The following R3HDM1 variants were observed in gnomAD, a reference collection of about 807,000 sequenced individuals.
R3HDM1 encodes R3H domain containing 1, also known as R3H domain-containing protein 1.
R3HDM1 carries 46 observed loss-of-function variants against 141.1 expected under a neutral mutation model. That is an observed-to-expected ratio of 0.33 (90% CI 0.26 to 0.42). The LOEUF (loss-of-function observed/expected upper bound fraction) is 0.42. Ranked by LOEUF, R3HDM1 falls within the 10% of genes least tolerant of loss-of-function variation. The pLI, the probability that R3HDM1 is intolerant of heterozygous loss-of-function variation, is 1.00. For missense variants in R3HDM1, 1,184 were observed against 1,368.3 expected (o/e 0.87, Z 2.12); for synonymous variants, 435 against 472.9 (o/e 0.92, Z 1.04).
intron 19 of R3HDM1, among the ~76,000 whole-genome samples, chr2:135,672,017 AC>A (rs1404094551): frequency 6.6e-6 from 1 of 152,144 alleles, no homozygotes; most frequent in Non-Finnish European, 1.5e-5. Context: ...AGAACAACTA[AC>A]CAGAAATGTT....
intron 1 of R3HDM1, among the ~76,000 whole-genome samples, chr2:135,570,780 A>G (rs181212817): frequency 1.9e-3 from 289 of 152,346 alleles, no homozygotes; most frequent in African/African-American, 6.5e-3. Context: ...CATGCCATCA[A>G]ATGTACAATT....
intron 3 of R3HDM1, among the ~76,000 whole-genome samples, chr2:135,612,268 A>G (rs2060617648): frequency 6.6e-6 from 1 of 152,184 alleles, no homozygotes; most frequent in Admixed American, 6.5e-5. Context: ...ACTAATCTTT[A>G]CTATTACCTA....
At chr2:135,584,989 T>A (rs1204131364) in intron 1 of R3HDM1, among the ~76,000 whole-genome samples, 1 of 152,166 alleles carries the variant, frequency 6.6e-6, no homozygotes, top group Non-Finnish European at 1.5e-5. Context: ...CAGTAGCTCT[T>A]TATGGAAAAA....
intron 1 of R3HDM1, among the ~76,000 whole-genome samples, chr2:135,545,365 T>A (rs1190642178): frequency 6.6e-6 from 1 of 152,176 alleles, no homozygotes; most frequent in African/African-American, 2.4e-5. Context: ...TTGCAATGAT[T>A]TTAAAAAAGG....
intron 18 of R3HDM1, among the ~76,000 whole-genome samples, chr2:135,659,160 C>T (rs1458172600): frequency 6.6e-6 from 1 of 151,724 alleles, no homozygotes; most frequent in Non-Finnish European, 1.5e-5. Flanking sequence ...TGCAATGGCA[C>T]GATCTTGGCT....
At chr2:135,685,901 A>G (rs2071243938) in intron 21 of R3HDM1, among the ~76,000 whole-genome samples, 1 of 152,216 alleles carries the variant, frequency 6.6e-6, no homozygotes, top group African/African-American at 2.4e-5. Context: ...GGTGGAAGGA[A>G]TTACATGTCT....
At chr2:135,695,160 G>A (rs563771828) in intron 21 of R3HDM1, among the ~76,000 whole-genome samples, 65 of 152,242 alleles carry the variant, frequency 4.3e-4, no homozygotes, top group African/African-American at 1.5e-3. Context: ...AGTTAACTAT[G>A]GTCCAGAACA....
intron 1 of R3HDM1, among the ~76,000 whole-genome samples, chr2:135,550,637 A>C (rs1220682267): frequency 6.6e-6 from 1 of 152,174 alleles, no homozygotes; most frequent in Non-Finnish European, 1.5e-5. Context: ...CTACTGATTA[A>C]ATTGTTTCCA....
chr2:135,598,254 A>T (rs923464258), intron 1 of R3HDM1, among the ~76,000 whole-genome samples: 1 of 152,160 alleles, frequency 6.6e-6, no homozygotes, highest in Non-Finnish European at 1.5e-5. Flanking sequence ...CGATAGGAGG[A>T]TTGAGAGAAA....
At chr2:135,546,013 A>C (rs1698619634) in intron 1 of R3HDM1, among the ~76,000 whole-genome samples, 1 of 152,156 alleles carries the variant, frequency 6.6e-6, no homozygotes, top group African/African-American at 2.4e-5. Flanking sequence ...CTTCCAGGGG[A>C]TATCAGAATA....
intron 19 of R3HDM1, chr2:135,669,631 A>G: frequency 1.1e-6 from 1 of 940,366 alleles, no homozygotes; most frequent in Non-Finnish European, 1.3e-6. Flanking sequence ...TTAGAATCAG[A>G]CAGCTGTGTG....
intron 1 of R3HDM1, among the ~76,000 whole-genome samples, chr2:135,556,613 G>C (rs1482234118): frequency 2.0e-5 from 3 of 151,508 alleles, no homozygotes; most frequent in Admixed American, 1.3e-4. Context: ...CTGACTCCCG[G>C]GTTCACGCCA....
chr2:135,654,075 CATTTT>C (rs2065473883), intron 18 of R3HDM1, among the ~76,000 whole-genome samples: 1 of 152,114 alleles, frequency 6.6e-6, no homozygotes, highest in African/African-American at 2.4e-5. Context: ...GGTTCCAAAA[CATTTT>C]CATCACTCTA....
chr2:135,564,660 A>G (rs889021437), intron 1 of R3HDM1, among the ~76,000 whole-genome samples: 14 of 152,216 alleles, frequency 9.2e-5, no homozygotes, highest in Non-Finnish European at 2.1e-4. Context: ...GAGTAGAGTG[A>G]GATTGGTCTC....
chr2:135,711,421 A>C (rs1196147370), intron 23 of R3HDM1, among the ~76,000 whole-genome samples: 1 of 152,180 alleles, frequency 6.6e-6, no homozygotes, highest in Admixed American at 6.5e-5. Context: ...TAATCCCAGC[A>C]CTTTGGGAAG....
chr2:135,563,843 T>C (rs1702240043), intron 1 of R3HDM1, among the ~76,000 whole-genome samples: 1 of 152,208 alleles, frequency 6.6e-6, no homozygotes, highest in South Asian at 2.1e-4. Flanking sequence ...GTGGTTTGTT[T>C]AGGCTCAGTG....
At chr2:135,610,785 T>C (rs1268953246) in intron 3 of R3HDM1, among the ~76,000 whole-genome samples, 2 of 152,076 alleles carry the variant, frequency 1.3e-5, no homozygotes, top group African/African-American at 2.4e-5. Context: ...CAAATAATAA[T>C]CTTAGCTATT....
At chr2:135,616,790 A>C (rs1356951058) in intron 5 of R3HDM1, 33 bp downstream of exon 5, 2 of 1,496,050 alleles carry the variant, frequency 1.3e-6, no homozygotes, top group Non-Finnish European at 1.8e-6. Context: ...ATTTCAAGAC[A>C]TGGTGGAACT....
chr2:135,655,067 C>T (rs2065658718), intron 18 of R3HDM1, among the ~76,000 whole-genome samples: 1 of 151,960 alleles, frequency 6.6e-6, no homozygotes, highest in Non-Finnish European at 1.5e-5. Context: ...TGGTAAAGTT[C>T]ACTTTATCCA....
Sources: allele counts gnomAD v4.1 joint callset (sites outside exome capture counted in the v4.1 genomes callset), GRCh38; gene constraint gnomAD v4.1.1; transcripts MANE v1.5; gene names NCBI Gene and HGNC (gene_info 2026-07-23, HGNC 2026-07-21).